Variants in IMMP2L observed in about 807,000 individuals in gnomAD.
IMMP2L encodes mitochondrial inner membrane protease subunit 2.
IMMP2L carries 18 observed loss-of-function variants against 19.3 expected under a neutral mutation model. The ratio of observed to expected loss-of-function variants is 0.93; its 90% CI spans 0.64 to 1.38. IMMP2L has a LOEUF of 1.38. Among genes scored for constraint, IMMP2L ranks in the 40% most tolerant of loss-of-function variants. The pLI, the probability that IMMP2L is intolerant of heterozygous loss-of-function variation, is 0.00. For synonymous variants in IMMP2L, 76 were observed against 73.0 expected (o/e 1.04, Z -0.21); for missense variants, 233 against 218.2 (o/e 1.07, Z -0.43).
At chr7:110,962,721 G>A (rs1015371899) in intron 4 of IMMP2L, 58 of 1,019,160 alleles carry the variant, frequency 5.7e-5, no homozygotes, top group Non-Finnish European at 6.7e-5. Flanking sequence ...AACTGACTGA[G>A]GTTCATTTCA....
chr7:110,712,917 C>T (rs1396163886), intron 5 of IMMP2L, among the ~76,000 whole-genome samples: 2 of 142,970 alleles, frequency 1.4e-5, no homozygotes, highest in African/African-American at 2.7e-5. Flanking sequence ...TCTGGCACTC[C>T]CTGGTGAGAT....
chr7:111,249,130 C>T (rs1209269388), intron 3 of IMMP2L, among the ~76,000 whole-genome samples: 1 of 64,000 alleles, frequency 1.6e-5, no homozygotes, highest in Non-Finnish European at 2.9e-5. Context: ...CTCGTTGCCG[C>T]CTTGCAGTTT....
chr7:111,012,818 G>A (rs1417336731), intron 3 of IMMP2L, among the ~76,000 whole-genome samples: 3 of 152,122 alleles, frequency 2.0e-5, no homozygotes, highest in African/African-American at 7.2e-5. Flanking sequence ...AGCTGAGAGG[G>A]TTCACTGTAT....
chr7:110,673,714 C>T (rs1040188651), intron 5 of IMMP2L, among the ~76,000 whole-genome samples: 1 of 152,166 alleles, frequency 6.6e-6, no homozygotes, highest in African/African-American at 2.4e-5. Flanking sequence ...GTCATCTTTG[C>T]TCCAGTTCCC....
chr7:111,103,154 G>A (rs1798164663), intron 3 of IMMP2L, among the ~76,000 whole-genome samples: 1 of 151,500 alleles, frequency 6.6e-6, no homozygotes, highest in African/African-American at 2.4e-5. Flanking sequence ...TTTGTTTCCT[G>A]CAAAATGTAA....
intron 2 of IMMP2L, among the ~76,000 whole-genome samples, chr7:111,503,992 A>T (rs1217221361): frequency 6.6e-6 from 1 of 152,004 alleles, no homozygotes; most frequent in African/African-American, 2.4e-5. Context: ...AGGAGAAGGA[A>T]ATAAAGGGTA....
chr7:110,858,783 G>T (rs1807076498), intron 5 of IMMP2L, among the ~76,000 whole-genome samples: 1 of 151,666 alleles, frequency 6.6e-6, no homozygotes, highest in Non-Finnish European at 1.5e-5. Context: ...TCCCCAGAGT[G>T]TGATGTTCCC....
At chr7:110,808,916 A>C (rs1801825876) in intron 5 of IMMP2L, among the ~76,000 whole-genome samples, 1 of 152,114 alleles carries the variant, frequency 6.6e-6, no homozygotes, top group Non-Finnish European at 1.5e-5. Flanking sequence ...AATCCTCGAC[A>C]TCATAAAAAG....
chr7:111,191,587 C>T (rs1808885129), intron 3 of IMMP2L, among the ~76,000 whole-genome samples: 1 of 152,008 alleles, frequency 6.6e-6, no homozygotes, highest in African/African-American at 2.4e-5. Context: ...TTCCTCCTGA[C>T]ATGGAAGTAT....
chr7:110,948,145 G>T (rs1817440184), intron 4 of IMMP2L, among the ~76,000 whole-genome samples: 1 of 152,112 alleles, frequency 6.6e-6, no homozygotes, highest in Non-Finnish European at 1.5e-5. Context: ...AGACTCTCAT[G>T]CAAGATTACT....
At chr7:110,779,600 A>G (rs1799607194) in intron 5 of IMMP2L, among the ~76,000 whole-genome samples, 1 of 151,860 alleles carries the variant, frequency 6.6e-6, no homozygotes, top group Non-Finnish European at 1.5e-5. Flanking sequence ...CAATGCACAG[A>G]TTTGTGGTAT....
intron 3 of IMMP2L, among the ~76,000 whole-genome samples, chr7:111,302,804 C>A (rs1019512830): frequency 6.6e-6 from 1 of 151,582 alleles, no homozygotes; most frequent in African/African-American, 2.4e-5. Context: ...AAAAATATTG[C>A]CATATAAGGA....
chr7:111,125,386 T>C (rs1383521672), intron 3 of IMMP2L: 1 of 167,232 alleles, frequency 6.0e-6, no homozygotes, highest in Non-Finnish European at 1.5e-5. Flanking sequence ...TAAGGAAAAA[T>C]ACATTTTGGA....
chr7:111,149,456 A>G (rs1024505575), intron 3 of IMMP2L, among the ~76,000 whole-genome samples: 4 of 152,208 alleles, frequency 2.6e-5, no homozygotes, highest in Admixed American at 2.6e-4. Context: ...TCCCTCAAAA[A>G]TTAACTACTA....
chr7:111,354,854 C>A (rs1204956079), intron 3 of IMMP2L, among the ~76,000 whole-genome samples: 1 of 151,596 alleles, frequency 6.6e-6, no homozygotes. Context: ...TAAAATTTAA[C>A]CAAAGGAAAT....
chr7:111,466,117 T>C (rs1366180884), intron 3 of IMMP2L, among the ~76,000 whole-genome samples: 2 of 152,016 alleles, frequency 1.3e-5, no homozygotes, highest in African/African-American at 4.8e-5. Context: ...CAGATGGGAA[T>C]TGAACAATGA....
At chr7:111,407,719 G>A (rs549783591) in intron 3 of IMMP2L, among the ~76,000 whole-genome samples, 2 of 151,940 alleles carry the variant, frequency 1.3e-5, no homozygotes, top group South Asian at 4.2e-4. Context: ...TTCCAAAATT[G>A]GATTACAGTG....
intron 3 of IMMP2L, among the ~76,000 whole-genome samples, chr7:111,251,752 G>GGGGA (rs1760116772): frequency 6.6e-6 from 1 of 152,014 alleles, no homozygotes. Flanking sequence ...GATGAGGATG[G>GGGGA]GGGAGGGAGA....
At chr7:110,974,158 A>C (rs1820450329) in intron 3 of IMMP2L, among the ~76,000 whole-genome samples, 1 of 152,130 alleles carries the variant, frequency 6.6e-6, no homozygotes, top group Non-Finnish European at 1.5e-5. Context: ...TGTAAGAAGG[A>C]GGCTTTGATT....
Sources: gnomAD v4.1 joint callset for allele counts (sites outside exome capture counted in the v4.1 genomes callset) on GRCh38, gnomAD v4.1.1 for gene constraint, MANE v1.5 for transcripts, NCBI Gene and HGNC (gene_info 2026-07-23, HGNC 2026-07-21) for gene names.